Variants in FAM227B observed in about 807,000 individuals in gnomAD.
FAM227B encodes the protein family with sequence similarity 227 member B, also known as protein FAM227B.
In FAM227B, 88 loss-of-function variants were observed where a neutral mutation model predicts 73.8. The ratio of observed to expected loss-of-function variants is 1.19; its 90% confidence interval spans 1.00 to 1.42. The LOEUF is 1.42. Ranked by LOEUF, FAM227B falls within the 40% of genes most tolerant of loss-of-function variation. The pLI, the probability that FAM227B is intolerant of heterozygous loss-of-function variation, is 0.00. For missense variants in FAM227B, 632 were observed against 590.9 expected (o/e 1.07, Z -0.72); for synonymous variants, 210 against 190.5 (o/e 1.10, Z -0.84).
chr15:49,597,020 A>C (rs1598455593), intron 3 of FAM227B, among the ~76,000 whole-genome samples: 1 of 152,022 alleles, frequency 6.6e-6, no homozygotes, highest in Non-Finnish European at 1.5e-5. Flanking sequence ...ACACAATAAT[A>C]GTGGGGGACT....
intron 11 of FAM227B, among the ~76,000 whole-genome samples, chr15:49,426,402 G>T (rs2050135704): frequency 6.6e-6 from 1 of 151,950 alleles, no homozygotes; most frequent in South Asian, 2.1e-4. Flanking sequence ...CTTAACTGTG[G>T]AATTCTACAT....
chr15:49,463,577 C>G (rs1316560652), intron 11 of FAM227B, among the ~76,000 whole-genome samples: 3 of 142,676 alleles, frequency 2.1e-5, no homozygotes, highest in Non-Finnish European at 4.6e-5. Flanking sequence ...TATCCAAACT[C>G]AACTAGCTGC....
At chr15:49,475,120 T>C (rs10083602) in intron 11 of FAM227B, among the ~76,000 whole-genome samples, 49,374 of 152,018 alleles carry the variant, frequency 0.32, 8,750 homozygotes, top group African/African-American at 0.45. Context: ...ATCAGTTTGA[T>C]TAATTTTTTC....
intron 3 of FAM227B, 77 bp downstream of exon 3, chr15:49,611,138 A>T: frequency 1.1e-6 from 1 of 879,344 alleles, no homozygotes; most frequent in East Asian, 2.5e-5. Context: ...CTTAAAGTTT[A>T]TTCTAAGCCT....
chr15:49,605,111 G>C (rs1408214185), intron 3 of FAM227B, among the ~76,000 whole-genome samples: 1 of 152,062 alleles, frequency 6.6e-6, no homozygotes, highest in Non-Finnish European at 1.5e-5. Flanking sequence ...TTGTTTTGAT[G>C]TCTGCACATC....
intron 1 of FAM227B, among the ~76,000 whole-genome samples, chr15:49,616,332 A>T (rs528553975): frequency 3.3e-5 from 5 of 152,336 alleles, no homozygotes; most frequent in Admixed American, 2.6e-4. Context: ...CAGATATTTT[A>T]TCTGTGAAAA....
intron 5 of FAM227B, among the ~76,000 whole-genome samples, chr15:49,581,476 G>A (rs929110449): frequency 5.3e-5 from 8 of 151,844 alleles, no homozygotes; most frequent in East Asian, 1.9e-4. Context: ...GCACCACTGC[G>A]CCTGGCTAAT....
intron 11 of FAM227B, among the ~76,000 whole-genome samples, chr15:49,376,563 A>G (rs912015470): frequency 5.9e-5 from 9 of 152,166 alleles, no homozygotes; most frequent in Non-Finnish European, 4.4e-5. Flanking sequence ...GAGTCTTCCA[A>G]CCTTGTTCTT....
At chr15:49,507,897 A>G (rs1047508492) in intron 11 of FAM227B, among the ~76,000 whole-genome samples, 2 of 152,118 alleles carry the variant, frequency 1.3e-5, no homozygotes, top group African/African-American at 4.8e-5. Context: ...ACATAATTTA[A>G]ATGAACAAAA....
intron 13 of FAM227B, among the ~76,000 whole-genome samples, chr15:49,364,705 A>C (rs1216925069): frequency 1.3e-5 from 2 of 152,180 alleles, no homozygotes; most frequent in Non-Finnish European, 2.9e-5. Context: ...GCATGGTCTT[A>C]AACAGTTATT....
At chr15:49,451,323 T>A (rs1012510463) in intron 11 of FAM227B, among the ~76,000 whole-genome samples, 2 of 151,984 alleles carry the variant, frequency 1.3e-5, no homozygotes, top group African/African-American at 4.8e-5. Flanking sequence ...CTAAAAAAGT[T>A]TTATTAGGCA....
chr15:49,604,163 C>A (rs543747110), intron 3 of FAM227B, among the ~76,000 whole-genome samples: 1 of 152,192 alleles, frequency 6.6e-6, no homozygotes, highest in Non-Finnish European at 1.5e-5. Flanking sequence ...TATATTCTTA[C>A]GTTTATGGTG....
intron 3 of FAM227B, among the ~76,000 whole-genome samples, chr15:49,591,241 A>AT (rs1181444326): frequency 1.3e-5 from 2 of 149,454 alleles, no homozygotes; most frequent in African/African-American, 2.5e-5. Context: ...TGCCCGGCTA[A>AT]TTTTTTGTAT....
Position 49,567,773 on chromosome 15 carries a change from C to G in FAM227B, c.747+472G>C, listed in dbSNP as rs572269138. Among the ~76,000 whole-genome samples the G allele has an allele frequency of 4.6e-5, 7 of 152,118 alleles. No homozygotes were observed. In the South Asian group the frequency reaches 1.2e-3, roughly 27 times the overall value. ...ATTACTTATTTGAATCAATCCTATC[C>G]ATCAGTTAGTACAATAACAGAAAAG... On this transcript the variant is annotated intron_variant, in intron 9 of 15. Transcript: ENST00000299338.
At chr15:49,596,006 C>T (rs1208621466) in intron 3 of FAM227B, among the ~76,000 whole-genome samples, 2 of 151,812 alleles carry the variant, frequency 1.3e-5, no homozygotes, top group Non-Finnish European at 2.9e-5. Flanking sequence ...ACTGGTATTC[C>T]TGAGGAGGAA....
At position 49,551,886 on chromosome 15, in the gene FAM227B, T is replaced by C. The variant is rs572277127; in HGVS notation, c.748-10080A>G. ...ATAAAAACTCAATGGTTTAAATTTG[T>C]CCCCCCACTTTTTAACTCTTTGTTG... On this transcript the variant is annotated intron_variant, in intron 9 of 15. Transcript: ENST00000299338. Among the ~76,000 whole-genome samples, 19 of 152,336 alleles carry C rather than the reference T, an allele frequency of 1.2e-4. No homozygotes were observed. In the South Asian group the frequency reaches 3.3e-3, roughly 27 times the overall value.
chr15:49,609,797 TA>T (rs1287545006), intron 3 of FAM227B, among the ~76,000 whole-genome samples: 2 of 151,894 alleles, frequency 1.3e-5, no homozygotes, highest in Non-Finnish European at 2.9e-5. Context: ...CCATAAAAAA[TA>T]ACTACAGAAT....
At chr15:49,541,840 T>C in intron 9 of FAM227B, 34 bp from the exon 10 acceptor site, 1 of 1,300,248 alleles carries the variant, frequency 7.7e-7, no homozygotes, top group Middle Eastern at 2.6e-4. Flanking sequence ...ATTAATTTTA[T>C]ATTTTTAAAT....
intron 11 of FAM227B, among the ~76,000 whole-genome samples, chr15:49,384,409 A>C (rs1023688699): frequency 6.6e-6 from 1 of 152,062 alleles, no homozygotes; most frequent in Non-Finnish European, 1.5e-5. Flanking sequence ...GAATACAAGG[A>C]TGAAGACAGG....
Sources: allele counts gnomAD v4.1 joint callset (sites outside exome capture counted in the v4.1 genomes callset), GRCh38; gene constraint gnomAD v4.1.1; transcripts MANE v1.5; gene names NCBI Gene and HGNC (gene_info 2026-07-23, HGNC 2026-07-21).